COL12A1: variants seen among roughly 807,000 people sequenced by gnomAD.
COL12A1 encodes the protein collagen type XII alpha 1 chain, also known as collagen alpha-1(XII) chain.
Under a neutral mutation model 349.7 loss-of-function variants are expected in COL12A1, and 114 were observed. That is an observed-to-expected ratio of 0.33 (90% CI 0.28 to 0.38). The LOEUF (loss-of-function observed/expected upper bound fraction) is 0.38. Among genes scored for constraint, COL12A1 ranks in the 10% least tolerant of loss-of-function variants. The pLI, the probability that COL12A1 is intolerant of heterozygous loss-of-function variation, is 1.00. For missense variants in COL12A1, 3,284 were observed against 3,756.9 expected (o/e 0.87, Z 3.29); for synonymous variants, 1,369 against 1,329.0 (o/e 1.03, Z -0.66).
Position 75,119,336 on chromosome 6 carries a change from A to G in COL12A1, c.7210+14T>C. The G allele has an allele frequency of 1.9e-6, 3 of 1,611,290 alleles. No homozygotes were observed. The highest frequency in any genetic ancestry group is 2.2e-5 in the East Asian group (1 of 44,840). On this transcript the variant is annotated intron_variant, in intron 45 of 65. Transcript: ENST00000322507. Reference sequence around the variant, plus strand: ...ACAAATGCTTGAAGAGTAAAGGTCTACATATACACATACCTGTTCTTGTGT... The same window carrying G: ...ACAAATGCTTGAAGAGTAAAGGTCTGCATATACACATACCTGTTCTTGTGT...
intron 36 of COL12A1, 145 bp downstream of exon 36, chr6:75,130,707 T>C (rs1424564787): frequency 2.9e-6 from 3 of 1,023,398 alleles, no homozygotes; most frequent in Non-Finnish European, 4.2e-6. Context: ...ACAGACCCAA[T>C]GTTTTCGCCT....
In COL12A1 at chr6:75,147,879, G is replaced by A. The variant is rs767569835; in HGVS notation, c.4288-75C>T. ...TTTTTCCTACTATACTTACAAAGTA[G>A]TTAACTGCAGTGAGCTTAGAATCTA... is the stretch of plus-strand genomic sequence containing the variant. On this transcript the variant is annotated intron_variant, in intron 22 of 65. Transcript: ENST00000322507. The A allele has an allele frequency of 6.4e-5, 94 of 1,462,300 alleles. 1 individual carries two copies. The South Asian group carries it at 1.1e-3, about 17-fold the overall frequency. 90.6% of individuals were successfully genotyped at this position (1,462,300 alleles called of 1,614,324 possible).
chr6:75,175,008 T>G lies in COL12A1; in HGVS notation c.2710+30A>C, dbSNP rs1582178721. 1.9e-6 allele frequency: 3 copies of G among 1,610,098 alleles called. No homozygotes were observed. The East Asian group carries it at 6.7e-5, about 36-fold the overall frequency. On this transcript the variant is annotated intron_variant, in intron 13 of 65. Coordinates refer to ENST00000322507, the MANE Select transcript of COL12A1 (RefSeq NM_004370.6). ...AGAGGCAGCACCACAAACAAGTTCCTGGATTTTCAGAAAATATGATGGTAA... is the reference window on the plus strand; with the variant it reads ...AGAGGCAGCACCACAAACAAGTTCCGGGATTTTCAGAAAATATGATGGTAA...
At chr6:75,133,830 A>C (rs763157554) in intron 33 of COL12A1, 28 bp downstream of exon 33, 1 of 1,613,050 alleles carries the variant, frequency 6.2e-7, no homozygotes, top group Admixed American at 1.7e-5. Context: ...TAAACAAACT[A>C]GCATTTTTTA....
chr6:75,171,182 A>C lies in COL12A1; in HGVS notation c.2710+3856T>G, dbSNP rs1025384008. ...TTACATATACAGTAGGGTTGTTGTA[A>C]TTACATTGTCTAACTGCTCTAACAA... On this transcript the variant is annotated intron_variant, in intron 13 of 65. Coordinates refer to ENST00000322507, the MANE Select transcript of COL12A1 (RefSeq NM_004370.6). Among the ~76,000 whole-genome samples, 3 of 152,210 alleles carry C rather than the reference A, an allele frequency of 2.0e-5. No individual in the cohort carries two copies. In the South Asian group the frequency reaches 6.2e-4, roughly 32 times the overall value.
At chr6:75,131,754 T>C (rs1466820760) in intron 35 of COL12A1, among the ~76,000 whole-genome samples, 186 bp downstream of exon 35, 1 of 152,210 alleles carries the variant, frequency 6.6e-6, no homozygotes, top group Non-Finnish European at 1.5e-5. Flanking sequence ...ATTCACATTT[T>C]CCCAAAATTC....
At chr6:75,194,555 G>A (rs895935017) in intron 3 of COL12A1, among the ~76,000 whole-genome samples, 1 of 152,022 alleles carries the variant, frequency 6.6e-6, no homozygotes, top group South Asian at 2.1e-4. Context: ...AAGATCAAAG[G>A]TTACTAACAA....
In COL12A1 at chr6:75,177,788, G is replaced by A. The variant is rs769423889; in HGVS notation, c.2312C>T (p.Pro771Leu). ...CAGTGTTCTCCTCCTCTGATTGGGT[G>A]GGGTGGTAACTTCTCTGCTCTCTCC... ...AGGESREVTT[P>L]PNQRRRTLEN... The change falls in exon 12 of 66, where the codon CCA (proline) becomes CTA (leucine). Residue 771 changes from proline to leucine, a missense_variant. Physicochemically the swap from Pro to Leu is moderately conservative, Grantham distance 98. Coordinates refer to ENST00000322507, the MANE Select transcript of COL12A1 (RefSeq NM_004370.6). 4 of 1,613,902 alleles carry A rather than the reference G, an allele frequency of 2.5e-6. No homozygotes were observed. In the South Asian group the frequency reaches 3.3e-5, roughly 13 times the overall value.
chr6:75,133,356 C>A lies in COL12A1; in HGVS notation c.5731G>T (p.Val1911Leu), dbSNP rs770396769. The A allele has an allele frequency of 6.2e-7, 1 of 1,612,650 alleles. No homozygotes were observed. Among genetic ancestry groups the A allele is most frequent in the Non-Finnish European group, 8.5e-7 (1 of 1,179,264 alleles). ...RNLQPDTSYT[V>L]TVVPVYTEGD... ...TCAGTATAAACGGGAACTACAGTCACAGTGTATGAGGTATCTGGCTGCAGA... is the reference window on the plus strand; with the variant it reads ...TCAGTATAAACGGGAACTACAGTCAAAGTGTATGAGGTATCTGGCTGCAGA... Residue 1911 changes from valine to leucine, a missense_variant, in exon 34 of 66, where the codon GTG becomes TTG. Val to Leu is a conservative substitution (Grantham distance 32). Transcript: ENST00000322507.
At chr6:75,091,250 A>G (rs1767750055) in intron 62 of COL12A1, 73 bp downstream of exon 62, 3 of 1,270,840 alleles carry the variant, frequency 2.4e-6, no homozygotes, top group Middle Eastern at 2.2e-4. Flanking sequence ...TAGAAACTTC[A>G]TGACTCAAAC....
intron 55 of COL12A1, 72 bp from the exon 56 acceptor site, chr6:75,102,764 C>T (rs1477853409): frequency 2.3e-6 from 2 of 876,996 alleles, no homozygotes; most frequent in South Asian, 6.7e-5. Flanking sequence ...TAGTCAGACA[C>T]TTGTCATCAT....
At chr6:75,136,063 G>A (rs73749965) in intron 31 of COL12A1, among the ~76,000 whole-genome samples, 127 of 152,200 alleles carry the variant, frequency 8.3e-4, no homozygotes, top group African/African-American at 2.4e-3. Context: ...ATAAGTTTAC[G>A]AGACTCTTTA....
intron 2 of COL12A1, among the ~76,000 whole-genome samples, chr6:75,202,480 C>T (rs943999766): frequency 1.3e-5 from 2 of 152,134 alleles, no homozygotes; most frequent in African/African-American, 4.8e-5. Flanking sequence ...CAGAGACAAG[C>T]TCAAGAAGAC....
At chr6:75,134,660 A>G (rs1376425180) in intron 32 of COL12A1, 66 bp downstream of exon 32, 2 of 1,398,292 alleles carry the variant, frequency 1.4e-6, no homozygotes, top group East Asian at 2.5e-5. Context: ...GTGTTTCCAG[A>G]TAAAGAGATG....
chr6:75,188,416 G>C lies in COL12A1; in HGVS notation c.943C>G (p.Gln315Glu). Reference sequence around the variant, plus strand: ...TGTTCATCAACACCTGAGCACACCTGGGAGATGATCTCATTCTGAATATCC... The same window carrying C: ...TGTTCATCAACACCTGAGCACACCTCGGAGATGATCTCATTCTGAATATCC... ...IVDIQNEIIS[Q>E]VCSGVDEQLG... is the part of the protein sequence containing the mutation. The change falls in exon 8 of 66, where the codon CAG becomes GAG. Residue 315 changes from glutamine to glutamate, a missense_variant. Gln to Glu is a conservative substitution (Grantham distance 29). This residue lies in a region of COL12A1 where 2,601 missense variants were observed against 2,824.8 expected (regional missense o/e 0.92). Transcript: ENST00000322507. The C allele has an allele frequency of 6.2e-7, 1 of 1,613,592 alleles. No homozygotes were observed. The highest frequency in any genetic ancestry group is 8.5e-7 in the Non-Finnish European group (1 of 1,179,674).
chr6:75,174,941 C>A (rs1768839402), intron 13 of COL12A1, 97 bp downstream of exon 13: 1 of 1,321,444 alleles, frequency 7.6e-7, no homozygotes, highest in Non-Finnish European at 1.0e-6. Context: ...GAAAGGATTG[C>A]ACACTTCTAG....
At chr6:75,135,481 A>T (rs531146260) in intron 31 of COL12A1, among the ~76,000 whole-genome samples, 1 of 152,294 alleles carries the variant, frequency 6.6e-6, no homozygotes, top group South Asian at 2.1e-4. Context: ...TACTCTAATT[A>T]TGGAGCTTAA....
intron 58 of COL12A1, among the ~76,000 whole-genome samples, chr6:75,098,038 C>T (rs2149338454): frequency 6.6e-6 from 1 of 152,282 alleles, no homozygotes; most frequent in East Asian, 1.9e-4. Flanking sequence ...AAGATGGAAT[C>T]ATCAAATTTT....
At chr6:75,112,237 A>G (rs931317036) in intron 51 of COL12A1, among the ~76,000 whole-genome samples, 61 of 151,934 alleles carry the variant, frequency 4.0e-4, no homozygotes, top group African/African-American at 1.4e-3. Flanking sequence ...AAGGAAGGAG[A>G]GGATCAGAAA....
Sources: allele counts gnomAD v4.1 joint callset (sites outside exome capture counted in the v4.1 genomes callset), GRCh38; gene constraint gnomAD v4.1.1; regional missense constraint gnomAD v4.1.1; transcripts MANE v1.5; gene names NCBI Gene and HGNC (gene_info 2026-07-23, HGNC 2026-07-21).